Variants in NFATC1 observed in about 807,000 individuals in gnomAD.
The protein encoded by NFATC1 is nuclear factor of activated T-cells, cytoplasmic 1.
In NFATC1, 22 loss-of-function variants were observed where a neutral mutation model predicts 76.0. The observed-to-expected ratio is 0.29, with a 90% CI of 0.21 to 0.41. NFATC1 has a LOEUF of 0.41. NFATC1 is among the 10% of genes least tolerant of loss of function. The pLI, the probability that NFATC1 is intolerant of heterozygous loss-of-function variation, is 1.00. For missense variants in NFATC1, 1,357 were observed against 1,337.7 expected, an observed-to-expected ratio of 1.01 and a Z score of -0.23; for synonymous variants, 704 against 613.1, an observed-to-expected ratio of 1.15 and a Z score of -2.19.
At chr18:79,477,542 G>A (rs1284376257) in intron 8 of NFATC1, among the ~76,000 whole-genome samples, 1 of 152,002 alleles carries the variant, frequency 6.6e-6, no homozygotes, top group Non-Finnish European at 1.5e-5. Context: ...GGCTTCCATG[G>A]TGGAGCACTA....
chr18:79,510,484 A>G (rs756755465), intron 9 of NFATC1, among the ~76,000 whole-genome samples: 9 of 152,242 alleles, frequency 5.9e-5, no homozygotes, highest in Non-Finnish European at 1.2e-4. Context: ...CGTGGTTGCC[A>G]CAGGCGTGGT....
At chr18:79,472,962 C>T (rs999165409) in intron 8 of NFATC1, among the ~76,000 whole-genome samples, 5 of 152,232 alleles carry the variant, frequency 3.3e-5, no homozygotes, top group Admixed American at 1.3e-4. Flanking sequence ...AAAACGCAGA[C>T]GACCCACACT....
At chr18:79,407,769 T>C (rs2085492471) in intron 1 of NFATC1, among the ~76,000 whole-genome samples, 2 of 152,214 alleles carry the variant, frequency 1.3e-5, no homozygotes, top group Non-Finnish European at 2.9e-5. Context: ...TTGACATTAC[T>C]GTTCTCTCTC....
chr18:79,491,259 G>A (rs937664991), intron 9 of NFATC1, among the ~76,000 whole-genome samples: 1 of 152,144 alleles, frequency 6.6e-6, no homozygotes, highest in African/African-American at 2.4e-5. Context: ...GAGTTCGGGG[G>A]CGGAGAAGAA....
chr18:79,407,982 A>T (rs554363630), intron 1 of NFATC1, among the ~76,000 whole-genome samples: 229 of 107,562 alleles, frequency 2.1e-3, no homozygotes, highest in African/African-American at 6.6e-3. Flanking sequence ...GCTCCATCGC[A>T]GCTCTGTTTC....
chr18:79,436,483 C>T (rs900813861), intron 3 of NFATC1, among the ~76,000 whole-genome samples: 3 of 152,240 alleles, frequency 2.0e-5, no homozygotes, highest in African/African-American at 4.8e-5. Flanking sequence ...TCAGCTCTCG[C>T]GGCCAGGGGC....
chr18:79,480,494 G>A (rs1240939971), intron 8 of NFATC1, among the ~76,000 whole-genome samples: 1 of 152,178 alleles, frequency 6.6e-6, no homozygotes, highest in Non-Finnish European at 1.5e-5. Flanking sequence ...AGCATCCTGG[G>A]GAGGTGGGTC....
At position 79,410,141 on chromosome 18, in the gene NFATC1, G is replaced by A. The variant is rs754551467; in HGVS notation, c.128-262G>A. 32 of 757,902 alleles carry A rather than the reference G, an allele frequency of 4.2e-5. No homozygotes were observed. Among genetic ancestry groups the A allele is most frequent in the African/African-American group, 6.8e-5 (4 of 59,112 alleles). The allele number at this position is 757,902 out of a possible 1,614,324, so 46.9% of individuals were successfully genotyped here. ...CCGCCTCTCCCTGGGAAGGACGTTC[G>A]GGGGCTTGTGCTGCTGTTAGGGGAG... On this transcript the variant is annotated intron_variant, in intron 1 of 9. Coordinates refer to ENST00000427363, the MANE Select transcript of NFATC1 (RefSeq NM_001278669.2). This position sits in a 1 kb window ranked among gnomAD's most constrained non-coding sequence, Gnocchi z 6.7.
chr18:79,504,722 G>A (rs1191127930), intron 9 of NFATC1, among the ~76,000 whole-genome samples: 1 of 152,294 alleles, frequency 6.6e-6, no homozygotes. Context: ...AGTGAGGCTT[G>A]CCTGCAAGAC....
At chr18:79,508,223 G>GGGAT (rs1485846502) in intron 9 of NFATC1, among the ~76,000 whole-genome samples, 16 of 151,846 alleles carry the variant, frequency 1.1e-4, no homozygotes, top group Non-Finnish European at 1.8e-4. Flanking sequence ...AAAAGGTGGA[G>GGGAT]GGAGGGAGGG....
intron 8 of NFATC1, chr18:79,469,798 C>G (rs2088699696): frequency 1.0e-6 from 1 of 985,372 alleles, no homozygotes. Flanking sequence ...CAGGTCCCCA[C>G]AAGCACACTG....
At position 79,410,851 on chromosome 18, in the gene NFATC1, C is replaced by CTACTCG; in HGVS notation, c.580_585dup (p.Ser194_Tyr195dup). The CTACTCG allele has an allele frequency of 6.2e-7, 1 of 1,610,372 alleles. No homozygotes were observed. On this transcript the variant is annotated inframe_insertion, in exon 2 of 10. Transcript: ENST00000427363. This position sits in a 1 kb window ranked among gnomAD's most constrained non-coding sequence, Gnocchi z 6.7. ...CAGAGGCCTCCTCCTACGAGTCCAA[C>CTACTCG]TACTCGTACCCGTACGCGTCCCCCC...
intron 7 of NFATC1, among the ~76,000 whole-genome samples, chr18:79,462,312 A>G (rs540535124): frequency 1.3e-5 from 2 of 152,222 alleles, no homozygotes; most frequent in South Asian, 4.2e-4. Context: ...CATGGAGACC[A>G]TTGATGTTTA....
At position 79,396,175 on chromosome 18, in the gene NFATC1, C is replaced by G. The variant is rs2084995897; in HGVS notation, c.-50C>G. 8 of 1,417,310 alleles carry G rather than the reference C, an allele frequency of 5.6e-6. No individual in the cohort carries two copies. Among genetic ancestry groups the G allele is most frequent in the Non-Finnish European group, 7.5e-6 (8 of 1,072,784 alleles). The allele number at this position is 1,417,310 out of a possible 1,614,324, so 87.8% of individuals were successfully genotyped here. ...CGACCCCGGCAGCGCGGGGCGGCCGCTTCTCCTGTGCCTCCGCCCGCCGCT... is the reference window on the plus strand; with the variant it reads ...CGACCCCGGCAGCGCGGGGCGGCCGGTTCTCCTGTGCCTCCGCCCGCCGCT... On this transcript the variant is annotated 5_prime_UTR_variant, in exon 1 of 10. Transcript: ENST00000427363.
Position 79,528,250 on chromosome 18 carries a change from G to C in NFATC1, c.*673G>C. On this transcript the variant is annotated 3_prime_UTR_variant, in exon 10 of 10. Transcript: ENST00000427363. ...ACCGTAGGCTTGTTCATAGTCGCAT[G>C]CTCGCATCTTTGTTTTTAATCTGGC... 1 of 274,384 alleles carries C rather than the reference G, an allele frequency of 3.6e-6. No individual in the cohort carries two copies. Among genetic ancestry groups the C allele is most frequent in the Non-Finnish European group, 6.8e-6 (1 of 147,728 alleles). 17.0% of individuals were successfully genotyped at this position (274,384 alleles called of 1,614,324 possible).
intron 2 of NFATC1, among the ~76,000 whole-genome samples, chr18:79,427,697 TGCA>T (rs1461760023): frequency 4.9e-5 from 3 of 60,840 alleles, no homozygotes; most frequent in Non-Finnish European, 8.8e-5. Flanking sequence ...CTGGCCTCTG[TGCA>T]GTGGGTGGGG....
rs544464915 is a variant in NFATC1 at position 79,439,189 on chromosome 18, A to C, written c.1386+5451A>C. On this transcript the variant is annotated intron_variant, in intron 3 of 9. Transcript: ENST00000427363. Reference sequence around the variant, plus strand: ...CTTTCTTAAGTGGTTTGCCACACACAGGAGCTCCTGGTTCTCCATGTCCCC... The same window carrying C: ...CTTTCTTAAGTGGTTTGCCACACACCGGAGCTCCTGGTTCTCCATGTCCCC... Among the ~76,000 whole-genome samples the C allele has an allele frequency of 7.2e-5, 11 of 152,280 alleles. No individual in the cohort carries two copies. The East Asian group carries it at 1.5e-3, about 21-fold the overall frequency.
chr18:79,510,906 C>T (rs927576392), intron 9 of NFATC1, among the ~76,000 whole-genome samples: 3 of 152,086 alleles, frequency 2.0e-5, no homozygotes, highest in African/African-American at 7.2e-5. Flanking sequence ...CCGGGACATC[C>T]TCCACCGGGG....
At chr18:79,478,116 G>GT (rs1457765211) in intron 8 of NFATC1, among the ~76,000 whole-genome samples, 9 of 13,988 alleles carry the variant, frequency 6.4e-4, no homozygotes, top group African/African-American at 2.6e-3. Flanking sequence ...CTTGCCCCCA[G>GT]GCCCCCCCCC....
Sources: allele counts gnomAD v4.1 joint callset (sites outside exome capture counted in the v4.1 genomes callset), GRCh38; gene constraint gnomAD v4.1.1; non-coding constraint Gnocchi (gnomAD v3.1); transcripts MANE v1.5; gene names NCBI Gene and HGNC (gene_info 2026-07-23, HGNC 2026-07-21).